Variants in NXPH1 observed in about 807,000 individuals in gnomAD.
The protein encoded by NXPH1 is neurexophilin 1, also known as neurexophilin-1.
A neutral mutation model predicts 23.7 loss-of-function variants in NXPH1; 5 were observed. The observed-to-expected ratio is 0.21, with a 90% CI of 0.11 to 0.44. The LOEUF (loss-of-function observed/expected upper bound fraction) is 0.44, where lower values mean the gene tolerates loss of function less well. Among genes scored for constraint, NXPH1 ranks in the 20% least tolerant of loss-of-function variants. The pLI is 0.99. For missense variants in NXPH1, 324 were observed against 321.6 expected (o/e 1.01, Z -0.06); for synonymous variants, 144 against 122.2 (o/e 1.18, Z -1.18).
At chr7:8,556,131 G>A (rs546592048) in intron 2 of NXPH1, among the ~76,000 whole-genome samples, 1 of 151,746 alleles carries the variant, frequency 6.6e-6, no homozygotes, top group African/African-American at 2.4e-5. Context: ...CCCATGTTAT[G>A]GCTATTGATC....
chr7:8,435,774 C>T lies in NXPH1; in HGVS notation c.54+7C>T, dbSNP rs1816183123. On this transcript the variant is annotated splice_region_variant and intron_variant, in intron 2 of 2. Coordinates refer to ENST00000405863, the MANE Select transcript of NXPH1 (RefSeq NM_152745.3). The surrounding 1 kb of genome is among the most constrained non-coding windows in gnomAD (Gnocchi z 5.9). ...GCAGCCCACCGTCTACTTGGTAAGT[C>T]TTGGAAGGTTCGGGGCTTTCGCATT... 1.2e-6 allele frequency: 2 copies of T among 1,613,762 alleles called. No homozygotes were observed. The highest frequency in any genetic ancestry group is 8.5e-7 in the Non-Finnish European group (1 of 1,179,766).
chr7:8,717,505 G>A (rs1217921946), intron 2 of NXPH1, among the ~76,000 whole-genome samples: 2 of 152,012 alleles, frequency 1.3e-5, no homozygotes, highest in Non-Finnish European at 2.9e-5. Context: ...GATTCCTGAA[G>A]CTCCATCACT....
chr7:8,726,921 A>G (rs1359316566), intron 2 of NXPH1, among the ~76,000 whole-genome samples: 3 of 151,578 alleles, frequency 2.0e-5, no homozygotes, highest in Non-Finnish European at 4.4e-5. Context: ...ACTGACTTCC[A>G]CAATGGTTGA....
chr7:8,702,533 T>C (rs1039907383), intron 2 of NXPH1, among the ~76,000 whole-genome samples: 1 of 152,062 alleles, frequency 6.6e-6, no homozygotes, highest in African/African-American at 2.4e-5. Flanking sequence ...GTGCCTTACA[T>C]AGACTGGTTG....
intron 2 of NXPH1, among the ~76,000 whole-genome samples, chr7:8,525,883 G>A (rs2128616543): frequency 6.6e-6 from 1 of 152,342 alleles, no homozygotes; most frequent in East Asian, 1.9e-4. Context: ...GAGAACCTCT[G>A]CTAGGGTAGT....
intron 2 of NXPH1, among the ~76,000 whole-genome samples, chr7:8,710,699 A>C (rs1189530862): frequency 1.2e-5 from 1 of 86,278 alleles, no homozygotes; most frequent in Non-Finnish European, 1.8e-5. Flanking sequence ...TCTGTCGCCC[A>C]GGCCGGACTG....
In NXPH1 at chr7:8,489,490, A is replaced by G. The variant is rs148754146; in HGVS notation, c.54+53723A>G. ...GCTATTCTCACATTTAGTGTCACCA[A>G]CTCCACTGAAGTCTGACTGGGGCTA... is the stretch of plus-strand genomic sequence containing the variant. On this transcript the variant is annotated intron_variant, in intron 2 of 2. Transcript: ENST00000405863. 2.6e-5 allele frequency among the ~76,000 whole-genome samples: 4 copies of G among 152,040 alleles called. No individual in the cohort carries two copies. In the East Asian group the frequency reaches 7.8e-4, roughly 30 times the overall value.
At chr7:8,746,664 T>A (rs1290883715) in intron 2 of NXPH1, among the ~76,000 whole-genome samples, 2 of 152,196 alleles carry the variant, frequency 1.3e-5, no homozygotes, top group African/African-American at 2.4e-5. Flanking sequence ...AATATAAATT[T>A]AAAAAATTAT....
At chr7:8,595,406 G>A (rs1331526539) in intron 2 of NXPH1, among the ~76,000 whole-genome samples, 1 of 151,888 alleles carries the variant, frequency 6.6e-6, no homozygotes, top group Non-Finnish European at 1.5e-5. Flanking sequence ...TTAAAGCCAT[G>A]TTTACCGTAA....
intron 2 of NXPH1, among the ~76,000 whole-genome samples, chr7:8,721,771 T>G (rs951378367): frequency 1.3e-5 from 2 of 152,202 alleles, no homozygotes; most frequent in African/African-American, 4.8e-5. Flanking sequence ...AGCGAGACTC[T>G]GTCTCAAAAA....
intron 2 of NXPH1, among the ~76,000 whole-genome samples, chr7:8,601,832 A>G (rs535472058): frequency 2.0e-5 from 3 of 152,276 alleles, no homozygotes; most frequent in Admixed American, 1.3e-4. Context: ...CTAGGACCAG[A>G]CTGCAGGATA....
intron 2 of NXPH1, among the ~76,000 whole-genome samples, chr7:8,542,815 T>C (rs1167247882): frequency 6.6e-6 from 1 of 151,476 alleles, no homozygotes; most frequent in African/African-American, 2.4e-5. Flanking sequence ...AGGAATACCA[T>C]TTTAGGTACA....
At chr7:8,460,015 ACCTT>A (rs902153333) in intron 2 of NXPH1, among the ~76,000 whole-genome samples, 2 of 152,138 alleles carry the variant, frequency 1.3e-5, no homozygotes, top group African/African-American at 4.8e-5. Flanking sequence ...TCAATGTGTG[ACCTT>A]CCTTGTTTCC....
At chr7:8,594,751 G>A (rs976868033) in intron 2 of NXPH1, among the ~76,000 whole-genome samples, 7 of 151,960 alleles carry the variant, frequency 4.6e-5, no homozygotes, top group Non-Finnish European at 5.9e-5. Context: ...GTTCAGGGAA[G>A]GAAGATTCTA....
chr7:8,717,648 C>G (rs1473813511), intron 2 of NXPH1, among the ~76,000 whole-genome samples: 1 of 152,198 alleles, frequency 6.6e-6, no homozygotes, highest in Non-Finnish European at 1.5e-5. Flanking sequence ...GGAATGAAAT[C>G]TTTTGTAATA....
At chr7:8,539,075 T>C (rs928199803) in intron 2 of NXPH1, among the ~76,000 whole-genome samples, 3 of 151,824 alleles carry the variant, frequency 2.0e-5, no homozygotes, top group Non-Finnish European at 4.4e-5. Context: ...CGAACAATAT[T>C]ACACAGACAA....
intron 2 of NXPH1, among the ~76,000 whole-genome samples, chr7:8,635,842 G>C (rs1350760547): frequency 6.6e-6 from 1 of 152,084 alleles, no homozygotes; most frequent in African/African-American, 2.4e-5. Context: ...TATACACTTG[G>C]ATAGTTTGCC....
intron 2 of NXPH1, among the ~76,000 whole-genome samples, chr7:8,543,621 G>A (rs1818151823): frequency 6.6e-6 from 1 of 151,434 alleles, no homozygotes; most frequent in Non-Finnish European, 1.5e-5. Flanking sequence ...TCACACTTTG[G>A]AAAAAACAAA....
Position 8,647,094 on chromosome 7 carries a change from A to C in NXPH1, c.55-103914A>C, listed in dbSNP as rs1318437633. ...CGGACAGACACGGATACAGACACAC[A>C]CAAAGACACGTGTGTTCTGTGAGCT... On this transcript the variant is annotated intron_variant, in intron 2 of 2. Transcript: ENST00000405863. Among the ~76,000 whole-genome samples, 3 of 152,194 alleles carry C rather than the reference A, an allele frequency of 2.0e-5. No individual in the cohort carries two copies. In the South Asian group the frequency reaches 6.2e-4, roughly 31 times the overall value.
Sources: gnomAD v4.1 joint callset for allele counts (sites outside exome capture counted in the v4.1 genomes callset) on GRCh38, gnomAD v4.1.1 for gene constraint, Gnocchi (gnomAD v3.1) non-coding constraint, MANE v1.5 for transcripts, NCBI Gene and HGNC (gene_info 2026-07-23, HGNC 2026-07-21) for gene names.